ABTB3: variants seen among roughly 807,000 people sequenced by gnomAD.
ABTB3 encodes ankyrin repeat and BTB domain containing 3, also known as ankyrin repeat- and BTB/POZ domain-containing protein 3.
chr12:107,443,354 T>C, the ABTB3 span, among the ~76,000 whole-genome samples: 1 of 151,972 alleles, frequency 6.6e-6, no homozygotes, highest in African/African-American at 2.4e-5. Flanking sequence ...GGCTGACAGC[T>C]GAGGCAGCAC....
chr12:107,557,259 C>T, the ABTB3 span, among the ~76,000 whole-genome samples: 1 of 152,164 alleles, frequency 6.6e-6, no homozygotes, highest in Non-Finnish European at 1.5e-5. Context: ...CCTGTGGCTC[C>T]CAGGCTACAA....
the ABTB3 span, among the ~76,000 whole-genome samples, chr12:107,470,094 A>G: frequency 6.7e-6 from 1 of 149,334 alleles, no homozygotes; most frequent in Admixed American, 6.7e-5. Context: ...GCTGGAGCGC[A>G]GTGGCATAAT....
the ABTB3 span, among the ~76,000 whole-genome samples, chr12:107,367,962 G>A: frequency 6.6e-6 from 1 of 152,168 alleles, no homozygotes; most frequent in Non-Finnish European, 1.5e-5. Context: ...TTATAGAAAC[G>A]ATATTGCACA....
chr12:107,327,332 G>A, the ABTB3 span, among the ~76,000 whole-genome samples: 1 of 152,094 alleles, frequency 6.6e-6, no homozygotes, highest in Non-Finnish European at 1.5e-5. Context: ...GAGGTCATCA[G>A]GCTTAGGTGG....
the ABTB3 span, among the ~76,000 whole-genome samples, chr12:107,421,369 C>A: frequency 1.2e-4 from 19 of 152,292 alleles, no homozygotes; most frequent in South Asian, 3.9e-3. Flanking sequence ...TCTGCTGGGA[C>A]CTTCCACAGC....
At chr12:107,469,839 TTC>T in the ABTB3 span, among the ~76,000 whole-genome samples, 34,844 of 146,474 alleles carry the variant, frequency 0.24, 4,790 homozygotes, top group African/African-American at 0.36. Flanking sequence ...CGTCCTTCCT[TTC>T]TCTCTCTTTC....
At chr12:107,574,144 C>A in the ABTB3 span, among the ~76,000 whole-genome samples, 1 of 152,292 alleles carries the variant, frequency 6.6e-6, no homozygotes, top group East Asian at 1.9e-4. Flanking sequence ...CAGAACCCAC[C>A]TTTATGATAA....
the ABTB3 span, among the ~76,000 whole-genome samples, chr12:107,408,579 A>G: frequency 1.3e-5 from 2 of 152,176 alleles, no homozygotes; most frequent in African/African-American, 4.8e-5. Context: ...TTTTACACAT[A>G]TATTTTATTT....
At chr12:107,444,710 A>G in the ABTB3 span, among the ~76,000 whole-genome samples, 1 of 152,102 alleles carries the variant, frequency 6.6e-6, no homozygotes, top group Non-Finnish European at 1.5e-5. Context: ...GTGCCCCAAG[A>G]TGTTTGGCAA....
the ABTB3 span, among the ~76,000 whole-genome samples, chr12:107,600,132 C>G: frequency 6.6e-6 from 1 of 152,110 alleles, no homozygotes; most frequent in Non-Finnish European, 1.5e-5. Flanking sequence ...AAAACAGGGA[C>G]ATGAAAGCTT....
At chr12:107,318,839 G>A in the ABTB3 span, 1 of 1,358,794 alleles carries the variant, frequency 7.4e-7, no homozygotes, top group Non-Finnish European at 9.9e-7. Flanking sequence ...AGTGAGCCAA[G>A]GCGGCGCGGA....
At chr12:107,331,915 T>C in the ABTB3 span, among the ~76,000 whole-genome samples, 2 of 151,988 alleles carry the variant, frequency 1.3e-5, no homozygotes, top group Non-Finnish European at 2.9e-5. Flanking sequence ...CCCACCTGGG[T>C]CCGCTGGCTG....
At chr12:107,411,339 T>C in the ABTB3 span, among the ~76,000 whole-genome samples, 1 of 152,160 alleles carries the variant, frequency 6.6e-6, no homozygotes, top group Non-Finnish European at 1.5e-5. Flanking sequence ...TGAAATGAAA[T>C]ACAATTTCAA....
chr12:107,493,795 A>G, the ABTB3 span, among the ~76,000 whole-genome samples: 2,965 of 152,216 alleles, frequency 0.019, 117 homozygotes, highest in African/African-American at 0.067. Context: ...GGCGGAGATG[A>G]GGAGGATGCT....
chr12:107,425,132 C>T, the ABTB3 span, among the ~76,000 whole-genome samples: 1 of 152,218 alleles, frequency 6.6e-6, no homozygotes, highest in South Asian at 2.1e-4. Context: ...GCCTTCCCGG[C>T]TTTATCTCTC....
the ABTB3 span, among the ~76,000 whole-genome samples, chr12:107,525,325 A>C: frequency 3.1e-5 from 2 of 64,112 alleles, no homozygotes; most frequent in Non-Finnish European, 5.9e-5. Context: ...AGATCCTGTC[A>C]AAAAAAAAAA....
chr12:107,482,545 T>G, the ABTB3 span, among the ~76,000 whole-genome samples: 24 of 152,230 alleles, frequency 1.6e-4, no homozygotes, highest in African/African-American at 5.1e-4. Context: ...GGGAAATGAC[T>G]TAAAAGCCAT....
At chr12:107,624,020 G>C in the ABTB3 span, among the ~76,000 whole-genome samples, 1 of 152,048 alleles carries the variant, frequency 6.6e-6, no homozygotes, top group East Asian at 1.9e-4. Context: ...CCATGTCAGG[G>C]AACTGCAGGT....
the ABTB3 span, among the ~76,000 whole-genome samples, chr12:107,543,481 GAGA>G: frequency 1.3e-5 from 2 of 152,130 alleles, no homozygotes; most frequent in Admixed American, 6.5e-5. Context: ...AGTTAGCCTG[GAGA>G]AGAAGAGGGA....
Sources: gnomAD v4.1 joint callset for allele counts (sites outside exome capture counted in the v4.1 genomes callset) on GRCh38, gnomAD v4.1.1 for gene constraint, MANE v1.5 for transcripts, NCBI Gene and HGNC (gene_info 2026-07-23, HGNC 2026-07-21) for gene names.